The following STK38L variants were observed in gnomAD, a reference collection of about 807,000 sequenced individuals.
STK38L encodes serine/threonine kinase 38 like.
In STK38L, 28 loss-of-function variants were observed where a neutral mutation model predicts 59.7. The observed-to-expected ratio is 0.47, with a 90% CI of 0.35 to 0.64. The LOEUF is 0.64. STK38L is among the 30% of genes least tolerant of loss of function. The pLI, the probability that STK38L is intolerant of heterozygous loss-of-function variation, is 0.01. For synonymous variants in STK38L, 162 were observed against 176.8 expected, an observed-to-expected ratio of 0.92 and a Z score of 0.66; for missense variants, 314 against 555.8, an observed-to-expected ratio of 0.56 and a Z score of 4.37.
At chr12:27,306,618 A>G (rs1469217113) in intron 3 of STK38L, among the ~76,000 whole-genome samples, 1 of 152,060 alleles carries the variant, frequency 6.6e-6, no homozygotes, top group African/African-American at 2.4e-5. Flanking sequence ...TCTTAATTAT[A>G]TCAATGTAAT....
intron 3 of STK38L, among the ~76,000 whole-genome samples, chr12:27,306,870 A>G (rs1854278663): frequency 6.6e-6 from 1 of 152,174 alleles, no homozygotes; most frequent in African/African-American, 2.4e-5. Context: ...CCTCCTGAGT[A>G]CAGGTGCATG....
chr12:27,253,497 A>C (rs940150937), intron 1 of STK38L, among the ~76,000 whole-genome samples: 2 of 152,344 alleles, frequency 1.3e-5, no homozygotes, highest in Admixed American at 1.3e-4. Context: ...CATAAAGTAC[A>C]TACCGTGTGC....
Position 27,320,023 on chromosome 12 carries a change from A to G in STK38L, c.1175+600A>G, listed in dbSNP as rs564278582. Among the ~76,000 whole-genome samples, 7 of 152,294 alleles carry G rather than the reference A, an allele frequency of 4.6e-5. No homozygotes were observed. In the South Asian group the frequency reaches 1.4e-3, roughly 32 times the overall value. On this transcript the variant is annotated intron_variant, in intron 12 of 13. Coordinates refer to ENST00000389032, the MANE Select transcript of STK38L (RefSeq NM_015000.4). The stretch of plus-strand genomic sequence containing the variant: ...AAGAAGCCTTCACTGCTTTCTTAGG[A>G]CTGCAGGATATGGCGATTGCCTCAT...
rs779224577 is a variant in STK38L at position 27,308,860 on chromosome 12, ATATATATAAATATAAAT to A, written c.310-253_310-237del. Among the ~76,000 whole-genome samples, 4,205 of 134,494 alleles carry A rather than the reference ATATATATAAATATAAAT, an allele frequency of 0.031. 97 individuals carry two copies. The highest frequency in any genetic ancestry group is 0.052 in the Non-Finnish European group (3,092 of 58,974). The allele number at this position is 134,494 out of a possible 152,430, so 88.2% of individuals were successfully genotyped here. On this transcript the variant is annotated intron_variant, in intron 4 of 13. Transcript: ENST00000389032. This position sits in a 1 kb window ranked among gnomAD's most constrained non-coding sequence, Gnocchi z 4.5. ...TGTGTTTGTATGTATATATAAAAAA[ATATATATAAATATAAAT>A]ATATATAAATGTAAATATATAAATA...
At chr12:27,307,172 T>C (rs1396864892) in intron 3 of STK38L, among the ~76,000 whole-genome samples, 2 of 152,212 alleles carry the variant, frequency 1.3e-5, no homozygotes, top group Non-Finnish European at 2.9e-5. Flanking sequence ...AAAAAGACAT[T>C]AGGCAAAGCC....
chr12:27,287,881 G>A lies in STK38L; in HGVS notation c.-11-9829G>A, dbSNP rs183226253. Among the ~76,000 whole-genome samples the A allele has an allele frequency of 1.2e-3, 181 of 152,184 alleles. 3 individuals are homozygous for A. The highest frequency in any genetic ancestry group is 0.012 in the Admixed American group (180 of 15,278). On this transcript the variant is annotated intron_variant, in intron 1 of 13. Coordinates refer to ENST00000389032, the MANE Select transcript of STK38L (RefSeq NM_015000.4). ...TTCTAAGCGAAGACTTTAAAATCAA[G>A]GTTTGGTTTGGTTTTGTTTGAGACA...
intron 1 of STK38L, among the ~76,000 whole-genome samples, chr12:27,291,495 C>T (rs930362046): frequency 2.0e-5 from 3 of 152,112 alleles, no homozygotes; most frequent in Admixed American, 6.5e-5. Context: ...CCCTAAGGGC[C>T]GGAACTGTGT....
intron 3 of STK38L, among the ~76,000 whole-genome samples, chr12:27,303,329 T>G (rs963571762): frequency 2.6e-5 from 4 of 151,642 alleles, no homozygotes; most frequent in Non-Finnish European, 5.9e-5. Context: ...CCATGAGCTA[T>G]GATCATGTCA....
At chr12:27,286,914 C>G (rs1358733255) in intron 1 of STK38L, among the ~76,000 whole-genome samples, 1 of 151,998 alleles carries the variant, frequency 6.6e-6, no homozygotes, top group African/African-American at 2.4e-5. Flanking sequence ...TTTTCTGTGT[C>G]TTTGATTCAC....
At position 27,257,844 on chromosome 12, in the gene STK38L, A is replaced by G. The variant is rs570079091; in HGVS notation, c.-12+13512A>G. Reference sequence around the variant, plus strand: ...TATAAATTTTAGGGGCAGCCATTTCACACTTTAATTTATGTCAAGCTTTTT... The same window carrying G: ...TATAAATTTTAGGGGCAGCCATTTCGCACTTTAATTTATGTCAAGCTTTTT... On this transcript the variant is annotated intron_variant, in intron 1 of 13. Coordinates refer to ENST00000389032, the MANE Select transcript of STK38L (RefSeq NM_015000.4). 5.3e-5 allele frequency among the ~76,000 whole-genome samples: 8 copies of G among 149,960 alleles called. 1 individual carries two copies. The South Asian group carries it at 1.5e-3, about 28-fold the overall frequency.
chr12:27,309,270 T>A, intron 5 of STK38L, 73 bp downstream of exon 5: 3 of 1,155,680 alleles, frequency 2.6e-6, no homozygotes, highest in Non-Finnish European at 3.6e-6. Context: ...TATATTAGAA[T>A]TTTTAAGAAG....
chr12:27,309,579 C>T (rs775016614), intron 5 of STK38L, among the ~76,000 whole-genome samples: 7 of 152,126 alleles, frequency 4.6e-5, no homozygotes, highest in African/African-American at 7.2e-5. Flanking sequence ...TTGGTGTGTG[C>T]GGGGACACAC....
chr12:27,314,456 C>A, intron 6 of STK38L, 48 bp from the exon 7 acceptor site: 1 of 1,386,868 alleles, frequency 7.2e-7, no homozygotes, highest in Non-Finnish European at 9.5e-7. Flanking sequence ...AGGTATTCCA[C>A]CTTTGAGGCA....
chr12:27,253,617 C>G (rs983090125), intron 1 of STK38L, among the ~76,000 whole-genome samples: 1 of 152,116 alleles, frequency 6.6e-6, no homozygotes, highest in African/African-American at 2.4e-5. Flanking sequence ...TAGCAGCTGT[C>G]ATGAAAGAGC....
chr12:27,291,982 C>T (rs1028408214), intron 1 of STK38L, among the ~76,000 whole-genome samples: 1 of 152,180 alleles, frequency 6.6e-6, no homozygotes, highest in East Asian at 1.9e-4. Context: ...TTGTTATCTC[C>T]TTTCCCCAGG....
chr12:27,257,020 C>G (rs1436906665), intron 1 of STK38L, among the ~76,000 whole-genome samples: 1 of 152,288 alleles, frequency 6.6e-6, no homozygotes, highest in East Asian at 1.9e-4. Flanking sequence ...TTACCTAGGT[C>G]GTTAGCTATG....
At chr12:27,244,773 C>T (rs897805458) in intron 1 of STK38L, among the ~76,000 whole-genome samples, 1 of 152,168 alleles carries the variant, frequency 6.6e-6, no homozygotes, top group African/African-American at 2.4e-5. Flanking sequence ...TGTTTGTGTA[C>T]CGTTCCTAAA....
chr12:27,270,279 C>T (rs1037527041), intron 1 of STK38L, among the ~76,000 whole-genome samples: 1 of 152,144 alleles, frequency 6.6e-6, no homozygotes, highest in Non-Finnish European at 1.5e-5. Flanking sequence ...GTGATCACGG[C>T]TCACTGTAAC....
chr12:27,315,214 T>C (rs1055221700), intron 8 of STK38L, 75 bp from the exon 9 acceptor site: 29 of 1,575,466 alleles, frequency 1.8e-5, no homozygotes, highest in Non-Finnish European at 2.4e-5. Context: ...CCACTGTGTT[T>C]TAGATGTATA....
Sources: allele counts gnomAD v4.1 joint callset (sites outside exome capture counted in the v4.1 genomes callset), GRCh38; gene constraint gnomAD v4.1.1; non-coding constraint Gnocchi (gnomAD v3.1); transcripts MANE v1.5; gene names NCBI Gene and HGNC (gene_info 2026-07-23, HGNC 2026-07-21).